LRRC9: variants seen among roughly 807,000 people sequenced by gnomAD.
The protein encoded by LRRC9 is leucine rich repeat containing 9, also known as leucine-rich repeat-containing protein 9.
Under a neutral mutation model 63.2 loss-of-function variants are expected in LRRC9, and 122 were observed. The ratio of observed to expected loss-of-function variants is 1.93; its 90% CI spans 1.67 to 2.24. The LOEUF (loss-of-function observed/expected upper bound fraction) is 2.24. Among genes scored for constraint, LRRC9 ranks in the 30% most tolerant of loss-of-function variants. The probability of loss-of-function intolerance (pLI) is 0.00; values close to 1 mark genes in which losing one functional copy is unlikely to be tolerated. For synonymous variants in LRRC9, 366 were observed against 213.1 expected (o/e 1.72, Z -6.25); for missense variants, 1,071 against 627.7 (o/e 1.71, Z -7.55).
rs549063833 is a variant in LRRC9 at position 60,031,286 on chromosome 14, G to T, written c.3922-709G>T. Among the ~76,000 whole-genome samples the T allele has an allele frequency of 2.6e-5, 4 of 152,162 alleles. No individual in the cohort carries two copies. Among genetic ancestry groups the T allele is most frequent in the Non-Finnish European group, 5.9e-5 (4 of 67,948 alleles). On this transcript the variant is annotated intron_variant, in intron 28 of 31. Transcript: ENST00000445360. This position sits in a 1 kb window ranked among gnomAD's most constrained non-coding sequence, Gnocchi z 4.6. ...ATTTTTACAGTTACTAGAAGAATTT[G>T]CTATATGTCCACTTGTAATTCCACA...
At chr14:59,967,002 C>T (rs1335806181) in intron 11 of LRRC9, 94 bp from the exon 12 acceptor site, 1 of 537,262 alleles carries the variant, frequency 1.9e-6, no homozygotes, top group Non-Finnish European at 3.4e-6. Flanking sequence ...ATGTCAATGA[C>T]AAATATCCCT....
rs572529172 is a variant in LRRC9, at chr14:60,017,021, T to C, written c.3317+231T>C. On this transcript the variant is annotated intron_variant, in intron 24 of 31. Coordinates refer to ENST00000445360, the Ensembl canonical transcript of LRRC9. This position sits in a 1 kb window ranked among gnomAD's most constrained non-coding sequence, Gnocchi z 4.0. ...GCAGGCTCAATCGATCCTCCGACTA[T>C]AGGCACGCACCACCAAGCATGGCTA... Among the ~76,000 whole-genome samples, 144 of 152,010 alleles carry C rather than the reference T, an allele frequency of 9.5e-4. 1 individual carries two copies. Among genetic ancestry groups the C allele is most frequent in the African/African-American group, 3.3e-3 (135 of 41,482 alleles).
At chr14:59,969,394 G>A (rs1055152008) in intron 12 of LRRC9, 5 of 152,106 alleles carry the variant, frequency 3.3e-5, no homozygotes, top group Admixed American at 6.6e-5. Flanking sequence ...TACTGTCATT[G>A]TTAAGATCCT....
chr14:59,960,760 T>C (rs1331660536), intron 9 of LRRC9, among the ~76,000 whole-genome samples, 154 bp from the exon 10 acceptor site: 1 of 152,236 alleles, frequency 6.6e-6, no homozygotes, highest in African/African-American at 2.4e-5. Context: ...AAATAGAATG[T>C]CTTTGACATG....
At position 60,030,108 on chromosome 14, in the gene LRRC9, T is replaced by C. The variant is rs550890906; in HGVS notation, c.3922-1887T>C. Among the ~76,000 whole-genome samples the C allele has an allele frequency of 2.6e-5, 4 of 152,216 alleles. No homozygotes were observed. The East Asian group carries it at 7.7e-4, about 29-fold the overall frequency. On this transcript the variant is annotated intron_variant, in intron 28 of 31. Coordinates refer to ENST00000445360, the Ensembl canonical transcript of LRRC9. ...ATTCATACCAACATGGGCAGGCTGA[T>C]ACCAGCATTAATTTCAACAAAGGGA...
chr14:59,992,465 T>G (rs967282371), intron 17 of LRRC9, among the ~76,000 whole-genome samples: 18 of 152,146 alleles, frequency 1.2e-4, no homozygotes, highest in Non-Finnish European at 2.6e-4. Flanking sequence ...GGACGGAGAA[T>G]GACTTTGATG....
intron 8 of LRRC9, among the ~76,000 whole-genome samples, chr14:59,952,222 G>C (rs894470867): frequency 3.3e-5 from 5 of 151,958 alleles, no homozygotes; most frequent in African/African-American, 7.2e-5. Context: ...TTTTAAGCCG[G>C]TCTGAAAAGC....
At chr14:59,934,804 CA>C (rs898306188) in intron 6 of LRRC9, among the ~76,000 whole-genome samples, 1 of 151,940 alleles carries the variant, frequency 6.6e-6, no homozygotes, top group Admixed American at 6.5e-5. Flanking sequence ...AACAAACCAA[CA>C]AAAAACCTTT....
chr14:60,054,759 T>A (rs2140445325), intron 30 of LRRC9, among the ~76,000 whole-genome samples: 1 of 152,196 alleles, frequency 6.6e-6, no homozygotes, highest in East Asian at 1.9e-4. Flanking sequence ...TAGACAATGA[T>A]TCCCTTACTT....
At chr14:60,064,188 A>C (rs1462030155), downstream of LRRC9, among the ~76,000 whole-genome samples, 6 of 152,216 alleles carry the variant, frequency 3.9e-5, no homozygotes, top group East Asian at 1.2e-3. Context: ...GAACTTTTCT[A>C]AACTATTACA....
At position 59,964,137 on chromosome 14, in the gene LRRC9, G is replaced by T. The variant is rs1020834671; in HGVS notation, c.1212-2452G>T. Among the ~76,000 whole-genome samples, 1 of 152,200 alleles carries T rather than the reference G, an allele frequency of 6.6e-6. No individual in the cohort carries two copies. The highest frequency in any genetic ancestry group is 1.5e-5 in the Non-Finnish European group (1 of 68,030). The stretch of plus-strand genomic sequence containing the variant: ...ATTAGTTTAGAGACCATACAGTGGA[G>T]AATATTGAATCCTCTACTGTAGGTG... On this transcript the variant is annotated intron_variant, in intron 10 of 31. Coordinates refer to ENST00000445360, the Ensembl canonical transcript of LRRC9. The surrounding 1 kb of genome is among the most constrained non-coding windows in gnomAD (Gnocchi z 4.4).
chr14:60,036,022 TG>T (rs1892402933), intron 29 of LRRC9, among the ~76,000 whole-genome samples: 1 of 152,150 alleles, frequency 6.6e-6, no homozygotes, highest in Non-Finnish European at 1.5e-5. Flanking sequence ...ACCATCTTCC[TG>T]GCTTGCAGAT....
At chr14:60,000,913 A>C (rs1238103144) in intron 19 of LRRC9, among the ~76,000 whole-genome samples, 1 of 152,196 alleles carries the variant, frequency 6.6e-6, no homozygotes, top group Non-Finnish European at 1.5e-5. Context: ...GAACAGAAAT[A>C]TGTGCCGAAG....
At chr14:60,009,196 T>A (rs1890055861) in intron 23 of LRRC9, among the ~76,000 whole-genome samples, 1 of 152,212 alleles carries the variant, frequency 6.6e-6, no homozygotes. Context: ...GGAAAAGTTA[T>A]GTTCTGCTCA....
intron 29 of LRRC9, among the ~76,000 whole-genome samples, chr14:60,044,201 TAGCCCAGCTA>T (rs543908279): frequency 6.6e-6 from 1 of 152,178 alleles, no homozygotes; most frequent in African/African-American, 2.4e-5. Flanking sequence ...TTTTCTTTCT[TAGCCCAGCTA>T]AAGGTTTGTC....
downstream of LRRC9, among the ~76,000 whole-genome samples, chr14:60,066,549 C>T (rs1894887511): frequency 6.6e-6 from 1 of 152,088 alleles, no homozygotes; most frequent in Non-Finnish European, 1.5e-5. Flanking sequence ...AAACTTAGAG[C>T]TTCTGGACCA....
chr14:60,055,746 AC>A (rs76142386), intron 30 of LRRC9, among the ~76,000 whole-genome samples: 3,333 of 141,396 alleles, frequency 0.024, 129 homozygotes, highest in African/African-American at 0.073. Flanking sequence ...AAAAAAAAAA[AC>A]AAAAAAAACT....
At chr14:59,959,759 G>A (rs149954305) in intron 8 of LRRC9, 59 bp from the exon 9 acceptor site, 7 of 494,220 alleles carry the variant, frequency 1.4e-5, no homozygotes, top group African/African-American at 1.9e-5. Context: ...TCTGAATTCC[G>A]ACTTTGCCTA....
rs1888991372 is a variant in LRRC9, at chr14:59,923,937, C to A, written c.-33-3974C>A. ...CTCCAGCCTGGGAGACAGAGCAAGA[C>A]TCCGTCTTAAAACAACAATAACAAC... On this transcript the variant is annotated intron_variant, in intron 1 of 31. Coordinates refer to ENST00000445360, the Ensembl canonical transcript of LRRC9. This position sits in a 1 kb window ranked among gnomAD's most constrained non-coding sequence, Gnocchi z 4.2. Among the ~76,000 whole-genome samples the A allele has an allele frequency of 6.6e-6, 1 of 152,184 alleles. No individual in the cohort carries two copies. The highest frequency in any genetic ancestry group is 6.5e-5 in the Admixed American group (1 of 15,276).
Sources: allele counts gnomAD v4.1 joint callset (sites outside exome capture counted in the v4.1 genomes callset), GRCh38; gene constraint gnomAD v4.1.1; non-coding constraint Gnocchi (gnomAD v3.1); transcripts MANE v1.5; gene names NCBI Gene and HGNC (gene_info 2026-07-23, HGNC 2026-07-21).